Variants in CENPW observed in about 807,000 individuals in gnomAD.
CENPW encodes the protein cancer-up-regulated gene 2 protein.
Under a neutral mutation model 11.1 loss-of-function variants are expected in CENPW, and 3 were observed. That is an observed-to-expected ratio of 0.27 (90% CI 0.12 to 0.70). CENPW has a LOEUF of 0.70. CENPW is among the 30% of genes least tolerant of loss of function. The pLI, the probability that CENPW is intolerant of heterozygous loss-of-function variation, is 0.77. For missense variants in CENPW, 100 were observed against 105.6 expected, an observed-to-expected ratio of 0.95 and a Z score of 0.23; for synonymous variants, 38 against 42.0, an observed-to-expected ratio of 0.91 and a Z score of 0.37.
the CENPW span, among the ~76,000 whole-genome samples, chr6:126,461,755 A>G: frequency 2.0e-5 from 3 of 151,942 alleles, no homozygotes; most frequent in Non-Finnish European, 4.4e-5. Context: ...GCTTTGATGT[A>G]TGTTGTAAGT....
chr6:126,413,884 A>AT, the CENPW span, among the ~76,000 whole-genome samples: 3 of 151,984 alleles, frequency 2.0e-5, no homozygotes, highest in African/African-American at 4.8e-5. Context: ...AGCTGAATGG[A>AT]TTTTTTAAAA....
the CENPW span, among the ~76,000 whole-genome samples, chr6:126,470,271 C>T: frequency 6.6e-6 from 1 of 152,214 alleles, no homozygotes; most frequent in Non-Finnish European, 1.5e-5. Context: ...CCAGCTCCAG[C>T]TGTAGCTAAA....
the CENPW span, among the ~76,000 whole-genome samples, chr6:126,425,629 A>AT: frequency 6.6e-6 from 1 of 151,672 alleles, no homozygotes. Flanking sequence ...TCCCTTTTTT[A>AT]TTAGAGAGAT....
At chr6:126,430,759 G>T in the CENPW span, among the ~76,000 whole-genome samples, 1 of 151,960 alleles carries the variant, frequency 6.6e-6, no homozygotes, top group Non-Finnish European at 1.5e-5. Flanking sequence ...AGACCATCCT[G>T]GCCAACATGG....
At chr6:126,379,179 C>T in the CENPW span, among the ~76,000 whole-genome samples, 2 of 152,208 alleles carry the variant, frequency 1.3e-5, no homozygotes, top group African/African-American at 4.8e-5. Context: ...GGACCAAGCC[C>T]TTTCTGTGAG....
At chr6:126,441,831 G>A in the CENPW span, among the ~76,000 whole-genome samples, 43 of 151,560 alleles carry the variant, frequency 2.8e-4, no homozygotes, top group African/African-American at 1.0e-3. Context: ...CATATGCCAC[G>A]TTTTCTTTAT....
the CENPW span, among the ~76,000 whole-genome samples, chr6:126,443,386 C>A: frequency 6.6e-6 from 1 of 151,086 alleles, no homozygotes; most frequent in African/African-American, 2.4e-5. Context: ...TTCTTCTTTT[C>A]TCTGTGTTTT....
the CENPW span, among the ~76,000 whole-genome samples, chr6:126,400,073 G>A: frequency 3.8e-4 from 58 of 152,048 alleles, no homozygotes; most frequent in Non-Finnish European, 6.8e-4. Flanking sequence ...ATTCTTGAAC[G>A]AGTTATTTTG....
chr6:126,442,839 C>A, the CENPW span, among the ~76,000 whole-genome samples: 1 of 151,214 alleles, frequency 6.6e-6, no homozygotes, highest in African/African-American at 2.4e-5. Context: ...ACTGAACACC[C>A]TTAAAATGAC....
At chr6:126,372,841 A>G in the CENPW span, among the ~76,000 whole-genome samples, 33 of 152,324 alleles carry the variant, frequency 2.2e-4, no homozygotes, top group African/African-American at 7.2e-4. Flanking sequence ...TTTCATTGCT[A>G]CTCACATAAG....
At chr6:126,418,929 TGTG>T in the CENPW span, among the ~76,000 whole-genome samples, 1 of 80,778 alleles carries the variant, frequency 1.2e-5, no homozygotes. Flanking sequence ...CGGGGCCTGT[TGTG>T]GGGTGGGGGG....
At chr6:126,473,416 T>A in the CENPW span, among the ~76,000 whole-genome samples, 2 of 152,124 alleles carry the variant, frequency 1.3e-5, no homozygotes, top group African/African-American at 4.8e-5. Flanking sequence ...ACTTTTTTCC[T>A]CTTTAACCCA....
At chr6:126,438,513 G>A in the CENPW span, among the ~76,000 whole-genome samples, 8 of 151,640 alleles carry the variant, frequency 5.3e-5, no homozygotes, top group African/African-American at 1.9e-4. Context: ...ACAATTAGCA[G>A]CAGTGCCTTT....
At chr6:126,458,107 C>G in the CENPW span, among the ~76,000 whole-genome samples, 1 of 151,236 alleles carries the variant, frequency 6.6e-6, no homozygotes, top group Non-Finnish European at 1.5e-5. Flanking sequence ...ATAATCATTT[C>G]CTTGGGTATA....
At chr6:126,409,511 A>G in the CENPW span, among the ~76,000 whole-genome samples, 130 of 152,200 alleles carry the variant, frequency 8.5e-4, no homozygotes, top group African/African-American at 2.9e-3. Context: ...TGTGAGTGGC[A>G]TGTTGAAGTA....
chr6:126,471,718 T>C, the CENPW span, among the ~76,000 whole-genome samples: 1 of 152,158 alleles, frequency 6.6e-6, no homozygotes, highest in African/African-American at 2.4e-5. Context: ...GTACATCCCA[T>C]GTGATTTATT....
At chr6:126,356,812 T>C in the CENPW span, among the ~76,000 whole-genome samples, 1 of 152,160 alleles carries the variant, frequency 6.6e-6, no homozygotes, top group Non-Finnish European at 1.5e-5. Context: ...TTTAAGTTCT[T>C]TATAGAGTCT....
At chr6:126,426,997 A>G in the CENPW span, among the ~76,000 whole-genome samples, 1 of 152,166 alleles carries the variant, frequency 6.6e-6, no homozygotes, top group Non-Finnish European at 1.5e-5. Flanking sequence ...TTGTTTCAGT[A>G]TATCTTTTCC....
At chr6:126,468,444 A>AT in the CENPW span, among the ~76,000 whole-genome samples, 1 of 147,722 alleles carries the variant, frequency 6.8e-6, no homozygotes. Context: ...AAAAAAAAAA[A>AT]GGAGAAAGAA....
Sources: gnomAD v4.1 joint callset for allele counts (sites outside exome capture counted in the v4.1 genomes callset) on GRCh38, gnomAD v4.1.1 for gene constraint, MANE v1.5 for transcripts, NCBI Gene and HGNC (gene_info 2026-07-23, HGNC 2026-07-21) for gene names.